The following CALML6 variants were observed in gnomAD, a reference collection of about 807,000 sequenced individuals.
CALML6 encodes the protein calmodulin-like protein 6.
CALML6 carries 27 observed loss-of-function variants against 25.0 expected under a neutral mutation model. The observed-to-expected ratio is 1.08, with a 90% confidence interval of 0.80 to 1.49. The LOEUF is 1.49. CALML6 is among the 40% of genes most tolerant of loss of function. CALML6 has a pLI of 0.00. For missense variants in CALML6, 239 were observed against 232.7 expected (o/e 1.03, Z -0.18); for synonymous variants, 97 against 87.2 (o/e 1.11, Z -0.63).
chr1:1,915,648 C>T (rs748513961), intron 1 of CALML6, 37 bp from the exon 2 acceptor site: 6 of 1,610,068 alleles, frequency 3.7e-6, no homozygotes, highest in Non-Finnish European at 5.1e-6. Context: ...CCAGCTAAAA[C>T]TCAGCTGCCA....
At chr1:1,916,927 C>CGGGGTGGGGGGGGGGGGGGGGGGG in intron 4 of CALML6, 31 bp downstream of exon 4, 1 of 472,232 alleles carries the variant, frequency 2.1e-6, no homozygotes, top group Non-Finnish European at 3.4e-6. Flanking sequence ...GGGTGGTGGG[C>CGGGGTGGGGGGGGGGGGGGGGGGG]GGGCACGGGC....
chr1:1,916,433 C>T lies in CALML6; in HGVS notation c.79-8C>T, dbSNP rs1490874262. 2 of 1,515,944 alleles carry T rather than the reference C, an allele frequency of 1.3e-6. No individual in the cohort carries two copies. The highest frequency in any genetic ancestry group is 1.8e-6 in the Non-Finnish European group (2 of 1,127,092). The allele number at this position is 1,515,944 out of a possible 1,614,324, so 93.9% of individuals were successfully genotyped here. ...TCCTGGTCAGGCCGGTGCGGGTGTC[C>T]CCTGCAGACAGAGCGCCTGTCGGCT... On this transcript the variant is annotated splice_polypyrimidine_tract_variant and splice_region_variant and intron_variant, in intron 2 of 5. Transcript: ENST00000307786.
At position 1,916,888 on chromosome 1, in the gene CALML6, C is replaced by T. The variant is rs1169021990; in HGVS notation, c.390C>T (p.Asn130=). 2.0e-6 allele frequency: 3 copies of T among 1,506,108 alleles called. 1 individual carries two copies. Among genetic ancestry groups the T allele is most frequent in the East Asian group, 2.4e-5 (1 of 41,154 alleles). 93.3% of individuals were successfully genotyped at this position (1,506,108 alleles called of 1,614,324 possible). The part of the protein sequence containing the change: ...DKEGKGYIDW[N]TLKYVLMNAG... ...AGGGCAAGGGCTACATTGACTGGAA[C>T]ACACTCAAGTAGGGCCCGGGTTGGG... The change falls in exon 4 of 6, where the codon AAC becomes AAT. Residue 130 remains asparagine, a synonymous_variant. Coordinates refer to ENST00000307786, the MANE Select transcript of CALML6 (RefSeq NM_138705.4).
intron 2 of CALML6, chr1:1,916,184 T>C: frequency 2.2e-6 from 1 of 454,032 alleles, no homozygotes; most frequent in Non-Finnish European, 3.9e-6. Context: ...CAGCTGCTGC[T>C]GTTCCCTCGC....
At chr1:1,916,673 A>G (rs1408629972) in intron 3 of CALML6, 58 bp downstream of exon 3, 2 of 1,606,216 alleles carry the variant, frequency 1.2e-6, no homozygotes, top group African/African-American at 2.7e-5. Flanking sequence ...GTCAGGTGTC[A>G]GTGCCTACGG....
At chr1:1,915,984 T>C (rs1477141691) in intron 2 of CALML6, 9 of 562,308 alleles carry the variant, frequency 1.6e-5, no homozygotes, top group Admixed American at 3.0e-5. Context: ...GGTGCTGGAC[T>C]CTCCCTCCGG....
At position 1,917,042 on chromosome 1, in the gene CALML6, A is replaced by G. The variant is rs1371085632; in HGVS notation, c.467A>G (p.Asp156Gly). Residue 156 changes from aspartate (D) to glycine (G), a missense_variant, in exon 5 of 6, where the codon GAC becomes GGC. By Grantham distance (94) the Asp-to-Gly change is moderately conservative. Around this residue, in one of 2 missense-constraint regions of CALML6, gnomAD observed 231 missense variants for 210.9 expected, o/e 1.10. Transcript: ENST00000307786. ...GCGGAGCAGATGATGAAGGAGGCCGACAAGGATGGGGACAGGACCATCGAC... is the reference window on the plus strand; with the variant it reads ...GCGGAGCAGATGATGAAGGAGGCCGGCAAGGATGGGGACAGGACCATCGAC... The part of the protein sequence containing the change: ...VEAEQMMKEA[D>G]KDGDRTIDYE... The G allele has an allele frequency of 6.2e-7, 1 of 1,610,236 alleles. No homozygotes were observed. Among genetic ancestry groups the G allele is most frequent in the African/African-American group, 1.3e-5 (1 of 74,996 alleles).
At chr1:1,915,465 C>G in intron 1 of CALML6, 158 bp downstream of exon 1, 2 of 1,408,496 alleles carry the variant, frequency 1.4e-6, no homozygotes, top group East Asian at 2.5e-5. Context: ...TCCTGGCCCC[C>G]GCACTTAGCC....
rs28670453 is a variant in CALML6, at chr1:1,916,741, G to A, written c.254-11G>A. 1.5e-3 allele frequency: 2,444 copies of A among 1,613,400 alleles called. 20 individuals carry two copies. The African/African-American group carries it at 0.028, about 19-fold the overall frequency. ...GCCCCATCCCTTGAGCCCCAGCTGT[G>A]CCCCTTGCAGACAAAGGGTTCTTCA... On this transcript the variant is annotated splice_polypyrimidine_tract_variant and intron_variant, in intron 3 of 5. Transcript: ENST00000307786.
rs756836406 is a variant in CALML6 at position 1,916,969 on chromosome 1, C to T, written c.399-5C>T. Reference sequence around the variant, plus strand: ...GATGGAGTGGCTCAGCGCCAGGCCCCGTAGGTACGTGCTAATGAACGCAGG... The same window carrying T: ...GATGGAGTGGCTCAGCGCCAGGCCCTGTAGGTACGTGCTAATGAACGCAGG... On this transcript the variant is annotated splice_region_variant and splice_polypyrimidine_tract_variant and intron_variant, in intron 4 of 5. Coordinates refer to ENST00000307786, the MANE Select transcript of CALML6 (RefSeq NM_138705.4). 69 of 1,610,820 alleles carry T rather than the reference C, an allele frequency of 4.3e-5. 1 individual carries two copies. Among genetic ancestry groups the T allele is most frequent in the Admixed American group, 1.5e-4 (9 of 59,912 alleles).
intron 1 of CALML6, 138 bp downstream of exon 1, chr1:1,915,445 C>G: frequency 2.7e-6 from 4 of 1,464,080 alleles, no homozygotes; most frequent in Non-Finnish European, 1.8e-6. Context: ...CCCGCCATGT[C>G]TCAGCCCTTT....
chr1:1,915,719 A>G lies in CALML6; in HGVS notation c.62A>G (p.Gln21Arg). 1 of 1,613,490 alleles carries G rather than the reference A, an allele frequency of 6.2e-7. No homozygotes were observed. Among genetic ancestry groups the G allele is most frequent in the Non-Finnish European group, 8.5e-7 (1 of 1,179,974 alleles). Residue 21 changes from glutamine to arginine, a missense_variant, in exon 2 of 6, where the codon CAG becomes CGG. This residue lies in a region of CALML6 where 231 missense variants were observed against 210.9 expected (regional missense o/e 1.10). Coordinates refer to ENST00000307786, the MANE Select transcript of CALML6 (RefSeq NM_138705.4). ...TGTCACCACCCTGCAGAATCCTGTC[A>G]GACAACCACCGACATGGTAAGGCTG... Reference protein sequence around the residue: ...PWCHHPAESCQTTTDMTERLS... With the variant: ...PWCHHPAESCRTTTDMTERLS...
In CALML6 at chr1:1,916,599, G is replaced by T. The variant is rs1375806965; in HGVS notation, c.237G>T (p.Lys79Asn). 5.0e-6 allele frequency: 8 copies of T among 1,607,352 alleles called. No individual in the cohort carries two copies. Among genetic ancestry groups the T allele is most frequent in the Non-Finnish European group, 6.8e-6 (8 of 1,176,480 alleles). ...PTKSELASMAKDVDRDNKGFF... is the reference protein window; with the variant it reads ...PTKSELASMANDVDRDNKGFF... ...AGAGTGAGCTGGCCTCAATGGCCAAGGATGTGGACAGAGACAGTGAGCTCA... is the reference window on the plus strand; with the variant it reads ...AGAGTGAGCTGGCCTCAATGGCCAATGATGTGGACAGAGACAGTGAGCTCA... The change falls in exon 3 of 6, where the codon AAG becomes AAT. Residue 79 changes from lysine (K) to asparagine (N), a missense_variant. By Grantham distance (94) the Lys-to-Asn change is moderately conservative. This residue lies in a region of CALML6 where 231 missense variants were observed against 210.9 expected (regional missense o/e 1.10). Transcript: ENST00000307786.
chr1:1,916,404 G>A (rs971721329), intron 2 of CALML6, 37 bp from the exon 3 acceptor site: 37 of 1,478,908 alleles, frequency 2.5e-5, no homozygotes, highest in Non-Finnish European at 3.2e-5. Context: ...GGGGCAGAAG[G>A]GGCTCCTGGT....
intron 1 of CALML6, 141 bp downstream of exon 1, chr1:1,915,448 AGCCCTTTCCTGG>A: frequency 1.4e-6 from 2 of 1,458,102 alleles, no homozygotes; most frequent in Non-Finnish European, 1.8e-6. Flanking sequence ...GCCATGTCTC[AGCCCTTTCCTGG>A]CCCCCGCACT....
chr1:1,916,416 A>G, intron 2 of CALML6, 25 bp from the exon 3 acceptor site: 1 of 1,492,060 alleles, frequency 6.7e-7, no homozygotes, highest in South Asian at 1.3e-5. Flanking sequence ...GCTCCTGGTC[A>G]GGCCGGTGCG....
chr1:1,916,909 T>C lies in CALML6; in HGVS notation c.398+13T>C, dbSNP rs201343661. The stretch of plus-strand genomic sequence containing the variant: ...GGAACACACTCAAGTAGGGCCCGGG[T>C]TGGGGGCGGGTGGTGGGCGGGCACG... On this transcript the variant is annotated intron_variant, in intron 4 of 5. Coordinates refer to ENST00000307786, the MANE Select transcript of CALML6 (RefSeq NM_138705.4). The C allele has an allele frequency of 1.0e-5, 5 of 499,670 alleles. No individual in the cohort carries two copies. In the Admixed American group the frequency reaches 1.4e-4, roughly 14 times the overall value. The allele number at this position is 499,670 out of a possible 1,614,324, so 31.0% of individuals were successfully genotyped here.
intron 1 of CALML6, 188 bp downstream of exon 1, chr1:1,915,495 G>A (rs945991815): frequency 3.8e-6 from 5 of 1,326,222 alleles, no homozygotes; most frequent in Non-Finnish European, 5.1e-6. Context: ...CATCTTCAGG[G>A]TCAGGGGAAG....
intron 2 of CALML6, 53 bp from the exon 3 acceptor site, chr1:1,916,388 G>A (rs1477906820): frequency 2.9e-5 from 42 of 1,456,268 alleles, no homozygotes; most frequent in Non-Finnish European, 3.6e-5. Flanking sequence ...CCCTTCCCTG[G>A]ACACAGGGGC....
Sources: allele counts gnomAD v4.1 joint callset, GRCh38; gene constraint gnomAD v4.1.1; regional missense constraint gnomAD v4.1.1; transcripts MANE v1.5; gene names NCBI Gene and HGNC (gene_info 2026-07-23, HGNC 2026-07-21).